CNOT1: variants seen among roughly 807,000 people sequenced by gnomAD.
CNOT1 encodes CCR4-NOT transcription complex subunit 1, also known as CCR4-associated factor 1.
A neutral mutation model predicts 273.8 loss-of-function variants in CNOT1; 15 were observed. The observed-to-expected ratio is 0.05, with a 90% CI of 0.04 to 0.08. CNOT1 has a LOEUF of 0.08. CNOT1 is among the 10% of genes least tolerant of loss of function. The pLI is 1.00. For synonymous variants in CNOT1, 1,022 were observed against 1,005.5 expected (o/e 1.02, Z -0.31); for missense variants, 1,644 against 2,912.2 (o/e 0.56, Z 10.02).
intron 3 of CNOT1, among the ~76,000 whole-genome samples, chr16:58,588,379 AC>A (rs1405912074): frequency 6.6e-6 from 1 of 152,192 alleles, no homozygotes; most frequent in East Asian, 1.9e-4. Context: ...AACTCATTAC[AC>A]TACTCAAAGT....
chr16:58,559,527 C>T (rs1405052020), intron 17 of CNOT1, among the ~76,000 whole-genome samples: 1 of 152,048 alleles, frequency 6.6e-6, no homozygotes, highest in Non-Finnish European at 1.5e-5. Flanking sequence ...ATTTTGAAAA[C>T]AAAAACAAGG....
intron 16 of CNOT1, among the ~76,000 whole-genome samples, chr16:58,572,909 A>G (rs1024890703): frequency 1.5e-4 from 22 of 148,388 alleles, no homozygotes; most frequent in African/African-American, 5.4e-4. Context: ...CTCTGTCTCA[A>G]AAAAAAAAAA....
At chr16:58,591,910 C>T (rs1015739325) in intron 2 of CNOT1, among the ~76,000 whole-genome samples, 24 of 151,738 alleles carry the variant, frequency 1.6e-4, no homozygotes, top group East Asian at 3.9e-4. Context: ...ATATAATTTT[C>T]GAAATCTCTG....
chr16:58,621,214 TG>T lies in CNOT1; in HGVS notation c.-175+8513del, dbSNP rs1182116408. 3.3e-5 allele frequency among the ~76,000 whole-genome samples: 5 copies of T among 152,118 alleles called. No individual in the cohort carries two copies. In the East Asian group the frequency reaches 7.7e-4, roughly 24 times the overall value. On this transcript the variant is annotated intron_variant, in intron 1 of 48. Transcript: ENST00000317147. ...TCGGCTTAAGTGATTTGTACACCTCTGCCTCCCAAAAGTGTTAGGATTGCAG... is the reference window on the plus strand; with the variant it reads ...TCGGCTTAAGTGATTTGTACACCTCTCCTCCCAAAAGTGTTAGGATTGCAG...
chr16:58,560,198 T>C lies in CNOT1; in HGVS notation c.2130+14A>G, dbSNP rs1440440657. 1 of 1,612,860 alleles carries C rather than the reference T, an allele frequency of 6.2e-7. No individual in the cohort carries two copies. The highest frequency in any genetic ancestry group is 1.3e-5 in the African/African-American group (1 of 74,904). ...ATGGCAAATGAAGATGTATCAAATG[T>C]AGCACTCATTTACCTGAACAGGAGA... On this transcript the variant is annotated intron_variant, in intron 17 of 48. Transcript: ENST00000317147.
Position 58,575,114 on chromosome 16 carries a change from G to A in CNOT1, c.1720C>T (p.Leu574=). ...AQDLKALSML[L]NGTPFAFVID... is the part of the protein sequence containing the mutation. ...ACAAAGGCAAATGGAGTACCATTTA[G>A]CAGCATTGACAAGGCCTAAAGGACA... Residue 574 remains leucine, a synonymous_variant, in exon 15 of 49, where the codon CTA becomes TTA. Transcript: ENST00000317147. 6.2e-7 allele frequency: 1 copy of A among 1,613,932 alleles called. No individual in the cohort carries two copies. The highest frequency in any genetic ancestry group is 8.5e-7 in the Non-Finnish European group (1 of 1,179,972).
chr16:58,573,275 C>T (rs1462069278), intron 16 of CNOT1, among the ~76,000 whole-genome samples: 1 of 150,306 alleles, frequency 6.7e-6, no homozygotes, highest in Non-Finnish European at 1.5e-5. Context: ...CAATGCACTC[C>T]AGCCTGGGCA....
rs55998166 is a variant in CNOT1, at chr16:58,539,466, T to TACACACACACACACACAC, written c.4992+284_4992+301dup. ...CCTGACAGAGAGAGACCCTGTCTCT[T>TACACACACACACACACAC]ACACACACACACACACACACACACA... On this transcript the variant is annotated intron_variant, in intron 35 of 48. Transcript: ENST00000317147. 2.1e-5 allele frequency among the ~76,000 whole-genome samples: 3 copies of TACACACACACACACACAC among 145,680 alleles called. No homozygotes were observed. In the East Asian group the frequency reaches 6.4e-4, roughly 31 times the overall value.
At chr16:58,605,037 G>C (rs2152020815) in intron 1 of CNOT1, among the ~76,000 whole-genome samples, 1 of 152,222 alleles carries the variant, frequency 6.6e-6, no homozygotes, top group Middle Eastern at 3.4e-3. Flanking sequence ...TCGGGAGGCT[G>C]AGGCAGGAGA....
Position 58,581,304 on chromosome 16 carries a change from T to C in CNOT1, c.1215+41A>G, listed in dbSNP as rs769861120. On this transcript the variant is annotated intron_variant, in intron 11 of 48. Transcript: ENST00000317147. Reference sequence around the variant, plus strand: ...ATGGCACTACATAAAGAATAAGTCATGTTTTATTCCCCCATCTATAGCTAA... The same window carrying C: ...ATGGCACTACATAAAGAATAAGTCACGTTTTATTCCCCCATCTATAGCTAA... 7.0e-6 allele frequency: 11 copies of C among 1,562,022 alleles called. No homozygotes were observed. In the African/African-American group the frequency reaches 1.1e-4, roughly 16 times the overall value.
At position 58,546,399 on chromosome 16, in the gene CNOT1, T is replaced by C. The variant is rs762395488; in HGVS notation, c.3928A>G (p.Lys1310Glu). Reference sequence around the variant, plus strand: ...GCAGAGAGTTGCTCATCTAAATTCTTCAGGCGATCTTTATCCTTTAGGAGG... The same window carrying C: ...GCAGAGAGTTGCTCATCTAAATTCTCCAGGCGATCTTTATCCTTTAGGAGG... Reference protein sequence around the residue: ...GNLLKDKDRLKNLDEQLSAPK... With the variant: ...GNLLKDKDRLENLDEQLSAPK... Residue 1310 changes from lysine to glutamate, a missense_variant, in exon 29 of 49, where the codon AAG becomes GAG. By Grantham distance (56) the Lys-to-Glu change is moderately conservative. Coordinates refer to ENST00000317147, the MANE Select transcript of CNOT1 (RefSeq NM_016284.5). 6.2e-7 allele frequency: 1 copy of C among 1,614,018 alleles called. No homozygotes were observed.
At chr16:58,580,482 C>A in intron 12 of CNOT1, 151 bp downstream of exon 12, 1 of 1,249,514 alleles carries the variant, frequency 8.0e-7, no homozygotes, top group Non-Finnish European at 1.0e-6. Flanking sequence ...ATTTATCTAC[C>A]AACCCCCTCT....
In CNOT1 at chr16:58,586,541, T is replaced by C; in HGVS notation, c.637+4A>G. The C allele has an allele frequency of 7.5e-6, 12 of 1,608,794 alleles. No individual in the cohort carries two copies. Among genetic ancestry groups the C allele is most frequent in the East Asian group, 2.2e-5 (1 of 44,672 alleles). On this transcript the variant is annotated splice_donor_region_variant and intron_variant, in intron 7 of 48. Transcript: ENST00000317147. ...CCCACTGTAGGCTACAAAGACTCCC[T>C]TACCTCTGCGCAGCGTCTTAAGAAA...
Position 58,546,765 on chromosome 16 carries a change from T to G in CNOT1, c.3751-16A>C. On this transcript the variant is annotated splice_polypyrimidine_tract_variant and intron_variant, in intron 27 of 48. Coordinates refer to ENST00000317147, the MANE Select transcript of CNOT1 (RefSeq NM_016284.5). ...GCCTAAAAACCTAAAGAAAAGCTAT[T>G]ATGTTAAGCTGGCCCAAAATGTGCC... is the stretch of plus-strand genomic sequence containing the variant. The G allele has an allele frequency of 6.2e-7, 1 of 1,613,752 alleles. No homozygotes were observed. The highest frequency in any genetic ancestry group is 8.5e-7 in the Non-Finnish European group (1 of 1,179,842).
At position 58,534,171 on chromosome 16, in the gene CNOT1, G is replaced by A; in HGVS notation, c.5871C>T (p.Val1957=). The A allele has an allele frequency of 1.2e-6, 2 of 1,614,156 alleles. No homozygotes were observed. Among genetic ancestry groups the A allele is most frequent in the Non-Finnish European group, 8.5e-7 (1 of 1,180,018 alleles). ...VKHSGEATNT[V]TKINLLNKVL... ...CCTTGTTCAGCAGATTAATCTTTGT[G>A]ACAGTGTTGGTGGCCTCCCCTGAGT... The change falls in exon 40 of 49, where the codon GTC becomes GTT. Residue 1957 remains valine (V), a synonymous_variant. Coordinates refer to ENST00000317147, the MANE Select transcript of CNOT1 (RefSeq NM_016284.5).
intron 1 of CNOT1, among the ~76,000 whole-genome samples, chr16:58,611,708 C>A (rs1333610052): frequency 1.3e-5 from 2 of 149,264 alleles, no homozygotes; most frequent in Admixed American, 6.7e-5. Context: ...GCAGTCCCAG[C>A]TACTCAGGAG....
rs778131798 is a variant in CNOT1, at chr16:58,586,589, A to G, written c.593T>C (p.Val198Ala). The stretch of plus-strand genomic sequence containing the variant: ...AAAAGCGTCTATCTGTTCTTGTCCA[A>G]CTCCAAAGGCTCCCTTCTGCCCAAA... Reference protein sequence around the residue: ...LLFGQKGAFGVGQEQIDAFLK... With the variant: ...LLFGQKGAFGAGQEQIDAFLK... The change falls in exon 7 of 49, where the codon GTT (valine) becomes GCT (alanine). Residue 198 changes from valine to alanine, a missense_variant. Val to Ala is a moderately conservative substitution (Grantham distance 64). This residue lies in a region of CNOT1 where 706 missense variants were observed against 1,021.2 expected (regional missense o/e 0.69). Transcript: ENST00000317147. 1 of 1,612,066 alleles carries G rather than the reference A, an allele frequency of 6.2e-7. No individual in the cohort carries two copies. The highest frequency in any genetic ancestry group is 2.2e-5 in the East Asian group (1 of 44,790).
intron 46 of CNOT1, 182 bp from the exon 47 acceptor site, chr16:58,523,684 C>T (rs2039484486): frequency 2.1e-6 from 1 of 478,598 alleles, no homozygotes; most frequent in Non-Finnish European, 3.7e-6. Flanking sequence ...GAATTTTCCA[C>T]ATTAGAAATT....
At chr16:58,555,213 C>G in intron 21 of CNOT1, 38 bp downstream of exon 21, 1 of 1,604,696 alleles carries the variant, frequency 6.2e-7, no homozygotes, top group Non-Finnish European at 8.5e-7. Flanking sequence ...TCTGCGGGGT[C>G]AGGGAAGAGA....
Sources: gnomAD v4.1 joint callset for allele counts (sites outside exome capture counted in the v4.1 genomes callset) on GRCh38, gnomAD v4.1.1 for gene constraint, gnomAD v4.1.1 regional missense constraint, MANE v1.5 for transcripts, NCBI Gene and HGNC (gene_info 2026-07-23, HGNC 2026-07-21) for gene names.